KLHL14: variants seen among roughly 807,000 people sequenced by gnomAD.
KLHL14 encodes the protein kelch-like protein 14.
KLHL14 carries 22 observed loss-of-function variants against 64.3 expected under a neutral mutation model. The ratio of observed to expected loss-of-function variants is 0.34; its 90% CI spans 0.24 to 0.49. The LOEUF is 0.49. Ranked by LOEUF, KLHL14 falls within the 20% of genes least tolerant of loss-of-function variation. The pLI, the probability that KLHL14 is intolerant of heterozygous loss-of-function variation, is 0.99. For missense variants in KLHL14, 661 were observed against 789.0 expected (o/e 0.84, Z 1.94); for synonymous variants, 322 against 333.4 (o/e 0.97, Z 0.37).
Position 32,769,668 on chromosome 18 carries a change from G to A in KLHL14, c.924C>T (p.His308=), listed in dbSNP as rs1348899469. The change falls in exon 2 of 9, where the codon CAC becomes CAT. Residue 308 remains histidine (H), a synonymous_variant. Coordinates refer to ENST00000359358, the MANE Select transcript of KLHL14 (RefSeq NM_020805.3). The part of the protein sequence containing the change: ...MNYHLMPFRQ[H]CRQSLASRIR... ...ACCTGCTGGCCAGGCTCTGCCTGCAGTGCTGCCTGAAGGGCATCAGGTGGT... is the reference window on the plus strand; with the variant it reads ...ACCTGCTGGCCAGGCTCTGCCTGCAATGCTGCCTGAAGGGCATCAGGTGGT... 1 of 1,446,296 alleles carries A rather than the reference G, an allele frequency of 6.9e-7. No individual in the cohort carries two copies. The highest frequency in any genetic ancestry group is 1.5e-5 in the African/African-American group (1 of 68,730). The allele number at this position is 1,446,296 out of a possible 1,614,324, so 89.6% of individuals were successfully genotyped here. A position where few individuals can be genotyped will look rare whatever the true frequency, so the allele number is the denominator to read the frequency against.
chr18:32,727,214 T>A (rs929968008), intron 3 of KLHL14, among the ~76,000 whole-genome samples: 2 of 152,200 alleles, frequency 1.3e-5, no homozygotes, highest in Non-Finnish European at 2.9e-5. Flanking sequence ...TTAAACAAAG[T>A]ATGGGAAACT....
intron 3 of KLHL14, among the ~76,000 whole-genome samples, chr18:32,714,764 C>T (rs1379935885): frequency 6.6e-6 from 1 of 152,028 alleles, no homozygotes; most frequent in Non-Finnish European, 1.5e-5. Context: ...CTTTGCTCAC[C>T]CTCCAGAAAA....
chr18:32,750,493 A>G (rs2050246005), intron 2 of KLHL14, among the ~76,000 whole-genome samples: 1 of 152,218 alleles, frequency 6.6e-6, no homozygotes, highest in Non-Finnish European at 1.5e-5. Flanking sequence ...CTGTATATAA[A>G]TAGCCAGAAC....
At position 32,680,074 on chromosome 18, in the gene KLHL14, G is replaced by T; in HGVS notation, c.1588+95C>A. ...TATTAGGTCAACATGTTTTTTACTTGGTTAACTATGATTATCTAAGGAGAA... is the reference window on the plus strand; with the variant it reads ...TATTAGGTCAACATGTTTTTTACTTTGTTAACTATGATTATCTAAGGAGAA... On this transcript the variant is annotated intron_variant, in intron 7 of 8. Coordinates refer to ENST00000359358, the MANE Select transcript of KLHL14 (RefSeq NM_020805.3). The surrounding 1 kb of genome is among the most constrained non-coding windows in gnomAD (Gnocchi z 4.8). The T allele has an allele frequency of 3.2e-6, 4 of 1,234,094 alleles. No homozygotes were observed. Among genetic ancestry groups the T allele is most frequent in the South Asian group, 3.0e-5 (2 of 67,306 alleles). 76.4% of individuals were successfully genotyped at this position (1,234,094 alleles called of 1,614,324 possible).
intron 5 of KLHL14, among the ~76,000 whole-genome samples, chr18:32,681,033 A>G (rs778799631): frequency 1.4e-3 from 209 of 152,260 alleles, no homozygotes; most frequent in Non-Finnish European, 2.1e-3. Context: ...ATTGTTCCCA[A>G]TTTATAAGAG....
At chr18:32,675,772 G>A (rs1005917502) in intron 8 of KLHL14, among the ~76,000 whole-genome samples, 4 of 152,196 alleles carry the variant, frequency 2.6e-5, no homozygotes, top group Middle Eastern at 3.4e-3. Context: ...ATGCCCCAAT[G>A]TCTGCTTCCA....
chr18:32,734,295 C>T (rs2144523033), intron 3 of KLHL14: 1 of 699,740 alleles, frequency 1.4e-6, no homozygotes, highest in Non-Finnish European at 2.6e-6. Flanking sequence ...CAAGACACTG[C>T]AGCTCTTTCT....
intron 2 of KLHL14, among the ~76,000 whole-genome samples, chr18:32,764,736 A>T (rs1356274301): frequency 1.3e-5 from 2 of 152,168 alleles, no homozygotes; most frequent in Non-Finnish European, 2.9e-5. Flanking sequence ...CCATTCATTT[A>T]TGTACTGTCA....
At chr18:32,737,563 C>T (rs538749285) in intron 3 of KLHL14, 6 of 152,210 alleles carry the variant, frequency 3.9e-5, no homozygotes, top group East Asian at 3.9e-4. Context: ...ATGACTATTC[C>T]GTCACCATTT....
At chr18:32,674,997 T>C (rs998596714) in intron 8 of KLHL14, among the ~76,000 whole-genome samples, 200 bp from the exon 9 acceptor site, 2 of 152,160 alleles carry the variant, frequency 1.3e-5, no homozygotes, top group African/African-American at 2.4e-5. Flanking sequence ...CAAAAAAAAT[T>C]TTTTTGTGTG....
At chr18:32,726,239 A>G (rs2050107565) in intron 3 of KLHL14, among the ~76,000 whole-genome samples, 1 of 152,168 alleles carries the variant, frequency 6.6e-6, no homozygotes, top group Admixed American at 6.5e-5. Flanking sequence ...TGTGACAGAG[A>G]CCTTACGGCC....
intron 2 of KLHL14, among the ~76,000 whole-genome samples, chr18:32,766,416 A>G (rs2050345328): frequency 6.6e-6 from 1 of 152,062 alleles, no homozygotes; most frequent in African/African-American, 2.4e-5. Flanking sequence ...GATGATGTTA[A>G]TATTGACTTG....
At position 32,770,172 on chromosome 18, in the gene KLHL14, C is replaced by T. The variant is rs761793422; in HGVS notation, c.420G>A (p.Glu140=). The T allele has an allele frequency of 5.9e-5, 95 of 1,613,722 alleles. No homozygotes were observed. The highest frequency in any genetic ancestry group is 7.3e-5 in the Non-Finnish European group (86 of 1,179,786). The change falls in exon 2 of 9, where the codon GAG becomes GAA. Residue 140 remains glutamate, a synonymous_variant. Transcript: ENST00000359358. The surrounding 1 kb of genome is among the most constrained non-coding windows in gnomAD (Gnocchi z 6.7). ...GGGTCACGTTGGCCGTGTAGAGGTA[C>T]TCGAGCACCAGGCGCAGCCCGATGG... ...CSSIGLRLVL[E]YLYTANVTLS...
Position 32,769,820 on chromosome 18 carries a change from G to A in KLHL14, c.772C>T (p.Pro258Ser). 1 of 1,613,648 alleles carries A rather than the reference G, an allele frequency of 6.2e-7. No individual in the cohort carries two copies. Among genetic ancestry groups the A allele is most frequent in the Non-Finnish European group, 8.5e-7 (1 of 1,179,938 alleles). Reference protein sequence around the residue: ...HDRETRMQYAPDLMKRLRFAL... With the variant: ...HDRETRMQYASDLMKRLRFAL... ...AAGCGGAGGCGCTTCATGAGGTCAG[G>A]CGCATACTGCATGCGGGTCTCGCGG... is the stretch of plus-strand genomic sequence containing the variant. The change falls in exon 2 of 9, where the codon CCT (proline) becomes TCT (serine). Residue 258 changes from proline to serine, a missense_variant. Physicochemically the swap from Pro to Ser is moderately conservative, Grantham distance 74 (BLOSUM62 -1). This residue lies in a region of KLHL14 where 331 missense variants were observed against 339.0 expected (regional missense o/e 0.98). Coordinates refer to ENST00000359358, the MANE Select transcript of KLHL14 (RefSeq NM_020805.3).
At chr18:32,732,415 T>A (rs1165359449) in intron 3 of KLHL14, among the ~76,000 whole-genome samples, 1 of 152,182 alleles carries the variant, frequency 6.6e-6, no homozygotes, top group East Asian at 1.9e-4. Context: ...TTTGGGAACA[T>A]AAGGGTGCAC....
At chr18:32,723,301 C>A (rs949245630) in intron 3 of KLHL14, among the ~76,000 whole-genome samples, 2 of 152,172 alleles carry the variant, frequency 1.3e-5, no homozygotes, top group African/African-American at 2.4e-5. Context: ...TCCAAGGAAG[C>A]TGGCATCTTT....
chr18:32,746,376 C>T (rs2050223767), intron 2 of KLHL14, among the ~76,000 whole-genome samples: 1 of 152,228 alleles, frequency 6.6e-6, no homozygotes, highest in South Asian at 2.1e-4. Flanking sequence ...CACATTTGGG[C>T]GTGTGTGCGC....
At position 32,743,800 on chromosome 18, in the gene KLHL14, T is replaced by C. The variant is rs181912194; in HGVS notation, c.948-1751A>G. 4.4e-4 allele frequency: 67 copies of C among 152,296 alleles called. 1 individual carries two copies. Among genetic ancestry groups the C allele is most frequent in the African/African-American group, 1.6e-3 (65 of 41,558 alleles). The allele number at this position is 152,296 out of a possible 1,614,324, so 9.4% of individuals were successfully genotyped here. A position where few individuals can be genotyped will look rare whatever the true frequency, so the allele number is the denominator to read the frequency against. ...AGTGCAGTCTGTACCTTTCTTTCAC[T>C]TGGAAAACATACATACATAATTCAC... On this transcript the variant is annotated intron_variant, in intron 2 of 8. Coordinates refer to ENST00000359358, the MANE Select transcript of KLHL14 (RefSeq NM_020805.3).
intron 3 of KLHL14, among the ~76,000 whole-genome samples, chr18:32,714,219 C>A (rs1180577527): frequency 6.6e-6 from 1 of 152,078 alleles, no homozygotes; most frequent in Non-Finnish European, 1.5e-5. Flanking sequence ...ATTATGCATT[C>A]AATTTATAGA....
Sources: allele counts gnomAD v4.1 joint callset (sites outside exome capture counted in the v4.1 genomes callset), GRCh38; gene constraint gnomAD v4.1.1; regional missense constraint gnomAD v4.1.1; non-coding constraint Gnocchi (gnomAD v3.1); transcripts MANE v1.5; gene names NCBI Gene and HGNC (gene_info 2026-07-23, HGNC 2026-07-21).